Variants in CNTN4 observed in about 807,000 individuals in gnomAD.
CNTN4 encodes contactin-4.
Under a neutral mutation model 122.5 loss-of-function variants are expected in CNTN4, and 77 were observed. The observed-to-expected ratio is 0.63, with a 90% confidence interval of 0.52 to 0.76. The LOEUF (loss-of-function observed/expected upper bound fraction) is 0.76, where lower values mean the gene tolerates loss of function less well. Ranked by LOEUF, CNTN4 falls within the 30% of genes least tolerant of loss-of-function variation. The probability of loss-of-function intolerance (pLI) is 0.00; values close to 1 mark genes in which losing one functional copy is unlikely to be tolerated. For missense variants in CNTN4, 1,256 were observed against 1,259.1 expected, an observed-to-expected ratio of 1.00 and a Z score of 0.04; for synonymous variants, 512 against 447.0, an observed-to-expected ratio of 1.15 and a Z score of -1.83.
intron 4 of CNTN4, chr3:2,735,914 A>G: frequency 1.9e-6 from 1 of 524,806 alleles, no homozygotes; most frequent in Non-Finnish European, 3.7e-6. Context: ...GGGTAGGCTA[A>G]AGACAAGCAG....
chr3:2,143,663 C>G (rs2125355154), intron 2 of CNTN4, among the ~76,000 whole-genome samples: 1 of 152,230 alleles, frequency 6.6e-6, no homozygotes, highest in Non-Finnish European at 1.5e-5. Flanking sequence ...GCATTGCACC[C>G]TGTTCTTTAT....
intron 4 of CNTN4, among the ~76,000 whole-genome samples, chr3:2,647,765 T>C (rs758274594): frequency 2.6e-5 from 4 of 152,190 alleles, no homozygotes; most frequent in Non-Finnish European, 5.9e-5. Flanking sequence ...ATTTTGTAAA[T>C]TCTAAATTGC....
intron 13 of CNTN4, among the ~76,000 whole-genome samples, chr3:2,950,456 C>CAGTT (rs2094728040): frequency 6.6e-6 from 1 of 152,198 alleles, no homozygotes; most frequent in African/African-American, 2.4e-5. Flanking sequence ...TTGTGCTCAG[C>CAGTT]AGTTAGGCCT....
At chr3:3,007,374 C>T (rs970179695) in intron 14 of CNTN4, among the ~76,000 whole-genome samples, 1 of 152,082 alleles carries the variant, frequency 6.6e-6, no homozygotes, top group Non-Finnish European at 1.5e-5. Flanking sequence ...TCTGATTAAC[C>T]CTCCCTGTAA....
intron 4 of CNTN4, among the ~76,000 whole-genome samples, chr3:2,652,505 A>G (rs1406878012): frequency 6.6e-6 from 1 of 152,202 alleles, no homozygotes; most frequent in Admixed American, 6.5e-5. Flanking sequence ...GGGGCATGGC[A>G]TTGAAACTGA....
intron 2 of CNTN4, among the ~76,000 whole-genome samples, chr3:2,155,997 C>T (rs1340570901): frequency 6.6e-6 from 1 of 152,082 alleles, no homozygotes; most frequent in Non-Finnish European, 1.5e-5. Context: ...GTGGTTAGCT[C>T]GGGTTGCTTT....
At chr3:2,453,766 A>T (rs1485477369) in intron 3 of CNTN4, among the ~76,000 whole-genome samples, 1 of 152,194 alleles carries the variant, frequency 6.6e-6, no homozygotes. Context: ...AAAGCAATAG[A>T]TATGTATAAC....
intron 3 of CNTN4, among the ~76,000 whole-genome samples, chr3:2,566,973 G>C (rs980328504): frequency 4.6e-5 from 7 of 152,132 alleles, no homozygotes; most frequent in African/African-American, 1.4e-4. Context: ...TCCTTCAGGG[G>C]ATTGCATTTT....
chr3:2,311,168 G>A (rs1449418859), intron 2 of CNTN4, among the ~76,000 whole-genome samples: 1 of 152,008 alleles, frequency 6.6e-6, no homozygotes, highest in Non-Finnish European at 1.5e-5. Context: ...ATTAAAGACT[G>A]TTTCCCCACT....
In CNTN4 at chr3:2,680,200, C is replaced by A. The variant is rs527260427; in HGVS notation, c.56-56015C>A. ...ACTATAATATGTGGTGTAATAGATACATGAACCCATCTCTGTGAAAACACA... is the reference window on the plus strand; with the variant it reads ...ACTATAATATGTGGTGTAATAGATAAATGAACCCATCTCTGTGAAAACACA... On this transcript the variant is annotated intron_variant, in intron 4 of 24. Transcript: ENST00000418658. 4.6e-5 allele frequency among the ~76,000 whole-genome samples: 7 copies of A among 152,234 alleles called. No individual in the cohort carries two copies. The South Asian group carries it at 1.0e-3, about 23-fold the overall frequency.
chr3:2,112,492 G>A (rs1194459471), intron 2 of CNTN4, among the ~76,000 whole-genome samples: 1 of 152,142 alleles, frequency 6.6e-6, no homozygotes. Flanking sequence ...TATCTGAAGA[G>A]AAACTGGTTA....
At chr3:2,624,130 C>G (rs564542862) in intron 4 of CNTN4, among the ~76,000 whole-genome samples, 3 of 152,122 alleles carry the variant, frequency 2.0e-5, no homozygotes, top group Admixed American at 1.3e-4. Context: ...TATTTTATTA[C>G]AAAATTTAAA....
At chr3:3,048,126 C>T (rs1454243997) in intron 23 of CNTN4, among the ~76,000 whole-genome samples, 1 of 152,088 alleles carries the variant, frequency 6.6e-6, no homozygotes, top group African/African-American at 2.4e-5. Flanking sequence ...ACTGGCTATA[C>T]ATTTTGAATT....
chr3:2,889,934 T>C (rs1299899605), intron 10 of CNTN4, among the ~76,000 whole-genome samples: 3 of 152,334 alleles, frequency 2.0e-5, no homozygotes, highest in Middle Eastern at 3.4e-3. Flanking sequence ...AAATGTTTTT[T>C]TCAGGGATCC....
chr3:2,674,656 G>T (rs1044783268), intron 4 of CNTN4, among the ~76,000 whole-genome samples: 1 of 152,148 alleles, frequency 6.6e-6, no homozygotes, highest in African/African-American at 2.4e-5. Flanking sequence ...TACTGGGGAG[G>T]TGGAGGCAGG....
At chr3:2,683,420 T>C (rs756943789) in intron 4 of CNTN4, among the ~76,000 whole-genome samples, 39 of 151,528 alleles carry the variant, frequency 2.6e-4, no homozygotes, top group Middle Eastern at 3.4e-3. Flanking sequence ...CTGATACTAG[T>C]TTTCAATGAT....
chr3:2,650,479 G>A (rs1174054936), intron 4 of CNTN4, among the ~76,000 whole-genome samples: 1 of 152,176 alleles, frequency 6.6e-6, no homozygotes, highest in African/African-American at 2.4e-5. Context: ...GAGTTTGAGA[G>A]GATTGGCTTC....
chr3:2,672,567 G>T (rs891651383), intron 4 of CNTN4, among the ~76,000 whole-genome samples: 2 of 152,192 alleles, frequency 1.3e-5, no homozygotes, highest in African/African-American at 4.8e-5. Context: ...CTTCCCGGGT[G>T]AGGCAATGCG....
intron 4 of CNTN4, among the ~76,000 whole-genome samples, chr3:2,645,803 A>G (rs2083090305): frequency 6.6e-6 from 1 of 152,192 alleles, no homozygotes; most frequent in Non-Finnish European, 1.5e-5. Context: ...TCAATACCCA[A>G]TAATATTCAA....
Sources: gnomAD v4.1 joint callset for allele counts (sites outside exome capture counted in the v4.1 genomes callset) on GRCh38, gnomAD v4.1.1 for gene constraint, MANE v1.5 for transcripts, NCBI Gene and HGNC (gene_info 2026-07-23, HGNC 2026-07-21) for gene names.